SYNGR2: variants seen among roughly 807,000 people sequenced by gnomAD.
SYNGR2 encodes the protein synaptogyrin 2, also known as synaptogyrin-2.
In SYNGR2, 11 loss-of-function variants were observed where a neutral mutation model predicts 18.7. The ratio of observed to expected loss-of-function variants is 0.59; its 90% CI spans 0.37 to 0.97. The LOEUF is 0.97. Among genes scored for constraint, SYNGR2 ranks in the 50% least tolerant of loss-of-function variants. SYNGR2 has a pLI of 0.01. For missense variants in SYNGR2, 253 were observed against 300.7 expected (o/e 0.84, Z 1.17); for synonymous variants, 127 against 131.0 (o/e 0.97, Z 0.21).
chr17:78,172,000 A>G lies in SYNGR2; in HGVS notation c.*64A>G. On this transcript the variant is annotated 3_prime_UTR_variant, in exon 4 of 4. Coordinates refer to ENST00000225777, the MANE Select transcript of SYNGR2 (RefSeq NM_004710.7). The surrounding 1 kb of genome is among the most constrained non-coding windows in gnomAD (Gnocchi z 6.6). ...CCCCTCTGCCCTGGACTTTCCCATG[A>G]GCCTCCTGGAACTGCCAGCCCCTCT... 1 of 1,600,982 alleles carries G rather than the reference A, an allele frequency of 6.2e-7. No individual in the cohort carries two copies. Among genetic ancestry groups the G allele is most frequent in the South Asian group, 1.1e-5 (1 of 91,040 alleles).
chr17:78,171,571 C>T lies in SYNGR2; in HGVS notation c.399C>T (p.Thr133=), dbSNP rs781104032. 4 of 1,543,118 alleles carry T rather than the reference C, an allele frequency of 2.6e-6. No homozygotes were observed. Among genetic ancestry groups the T allele is most frequent in the Admixed American group, 3.9e-5 (2 of 50,684 alleles). The change falls in exon 3 of 4, where the codon ACC becomes ACT. Residue 133 remains threonine, a synonymous_variant. Transcript: ENST00000225777. The surrounding 1 kb of genome is among the most constrained non-coding windows in gnomAD (Gnocchi z 6.6). ...TCCTCACCAACCAGTGGGCAGTCACCAACCCGAAGGACGTGCTGGTGGGGG... is the reference window on the plus strand; with the variant it reads ...TCCTCACCAACCAGTGGGCAGTCACTAACCCGAAGGACGTGCTGGTGGGGG... ...FCFLTNQWAV[T]NPKDVLVGAD...
rs1326244471 is a variant in SYNGR2, at chr17:78,171,785, A to G, written c.524A>G (p.Asp175Gly). 4 of 1,613,886 alleles carry G rather than the reference A, an allele frequency of 2.5e-6. No homozygotes were observed. Among genetic ancestry groups the G allele is most frequent in the African/African-American group, 1.3e-5 (1 of 74,848 alleles). ...LAYQRYKAGV[D>G]DFIQNYVDPT... Reference sequence around the variant, plus strand: ...TACCAGCGCTACAAGGCTGGCGTGGACGACTTCATCCAGAATTACGTTGAC... The same window carrying G: ...TACCAGCGCTACAAGGCTGGCGTGGGCGACTTCATCCAGAATTACGTTGAC... Residue 175 changes from aspartate to glycine, a missense_variant, in exon 4 of 4, where the codon GAC becomes GGC. Transcript: ENST00000225777. This position sits in a 1 kb window ranked among gnomAD's most constrained non-coding sequence, Gnocchi z 6.6.
rs1419217739 is a variant in SYNGR2, at chr17:78,171,207, G to A, written c.337+153G>A. On this transcript the variant is annotated intron_variant, in intron 2 of 3. Transcript: ENST00000225777. This position sits in a 1 kb window ranked among gnomAD's most constrained non-coding sequence, Gnocchi z 6.6. ...AAGGGTTTTCAGCTAGTGTTTTTCC[G>A]TGCTTGAATGGCACCAGCCCTGCCT... The A allele has an allele frequency of 1.7e-5, 13 of 773,616 alleles. No homozygotes were observed. Among genetic ancestry groups the A allele is most frequent in the African/African-American group, 8.7e-5 (5 of 57,154 alleles). The allele number at this position is 773,616 out of a possible 1,614,324, so 47.9% of individuals were successfully genotyped here.
At chr17:78,169,265 T>TGGGGGGGG (rs1199152774) in intron 1 of SYNGR2, 2 of 69,052 alleles carry the variant, frequency 2.9e-5, no homozygotes, top group African/African-American at 3.6e-4. Flanking sequence ...TTTGTGTGTG[T>TGGGGGGGG]GTGTGTGTGG....
rs1176179624 is a variant in SYNGR2, at chr17:78,171,931, T to A, written c.670T>A (p.Tyr224Asn). ...CGAGGGCTACCAGCCGCCCCCTGTG[T>A]ACTGAGCGGCGGTTAGCGTGGGAAG... ...TTEGYQPPPV[Y>N] is the part of the protein sequence containing the mutation. Residue 224 changes from tyrosine (Y) to asparagine (N), a missense_variant, in exon 4 of 4, where the codon TAC becomes AAC. Coordinates refer to ENST00000225777, the MANE Select transcript of SYNGR2 (RefSeq NM_004710.7). The surrounding 1 kb of genome is among the most constrained non-coding windows in gnomAD (Gnocchi z 6.6). The A allele has an allele frequency of 5.0e-6, 8 of 1,612,890 alleles. No individual in the cohort carries two copies. Among genetic ancestry groups the A allele is most frequent in the Non-Finnish European group, 6.8e-6 (8 of 1,179,962 alleles).
chr17:78,172,774 T>C (rs958249400), downstream of SYNGR2: 9 of 152,218 alleles, frequency 5.9e-5, no homozygotes, highest in Non-Finnish European at 1.3e-4. Context: ...GACTCCACTC[T>C]GGGTACACCC....
At chr17:78,168,841 G>T in intron 1 of SYNGR2, 126 bp downstream of exon 1, 1 of 820,340 alleles carries the variant, frequency 1.2e-6, no homozygotes, top group Non-Finnish European at 1.6e-6. Context: ...GGCGGCGAGC[G>T]GGGCCGGCGT....
At position 78,168,599 on chromosome 17, in the gene SYNGR2, A is replaced by G. The variant is rs937674495; in HGVS notation, c.-18A>G. 5.1e-6 allele frequency: 6 copies of G among 1,183,430 alleles called. No homozygotes were observed. The highest frequency in any genetic ancestry group is 6.3e-6 in the Non-Finnish European group (6 of 952,540). The allele number at this position is 1,183,430 out of a possible 1,614,324, so 73.3% of individuals were successfully genotyped here. A position where few individuals can be genotyped will look rare whatever the true frequency, so the allele number is the denominator to read the frequency against. Reference sequence around the variant, plus strand: ...TTCCTCTGCGTTCCGCGGCGGCGGCAGCGGCGGCGACGGCGACATGGAGAG... The same window carrying G: ...TTCCTCTGCGTTCCGCGGCGGCGGCGGCGGCGGCGACGGCGACATGGAGAG... On this transcript the variant is annotated 5_prime_UTR_variant, in exon 1 of 4. Transcript: ENST00000225777.
In SYNGR2 at chr17:78,172,293, G is replaced by A. The variant is rs1201781826; in HGVS notation, c.*357G>A. ...GCTTCCCCCCGGCCCGGGTCAGGCC[G>A]TGGGAGCCGCTATTATCTGCGTTCT... On this transcript the variant is annotated 3_prime_UTR_variant, in exon 4 of 4. Coordinates refer to ENST00000225777, the MANE Select transcript of SYNGR2 (RefSeq NM_004710.7). 15 of 505,758 alleles carry A rather than the reference G, an allele frequency of 3.0e-5. No individual in the cohort carries two copies. The highest frequency in any genetic ancestry group is 1.0e-3 in the Middle Eastern group (2 of 1,946). 31.3% of individuals were successfully genotyped at this position (505,758 alleles called of 1,614,324 possible). A position where few individuals can be genotyped will look rare whatever the true frequency, so the allele number is the denominator to read the frequency against.
rs2075656361 is a variant in SYNGR2 at position 78,171,266 on chromosome 17, A to G, written c.337+212A>G. On this transcript the variant is annotated intron_variant, in intron 2 of 3. Coordinates refer to ENST00000225777, the MANE Select transcript of SYNGR2 (RefSeq NM_004710.7). This position sits in a 1 kb window ranked among gnomAD's most constrained non-coding sequence, Gnocchi z 6.6. Reference sequence around the variant, plus strand: ...TAGAAGCTGAGTGGACCTGCAGCACACCCGAGCAGATGGGCTTTGCCTCTG... The same window carrying G: ...TAGAAGCTGAGTGGACCTGCAGCACGCCCGAGCAGATGGGCTTTGCCTCTG... 4 of 658,514 alleles carry G rather than the reference A, an allele frequency of 6.1e-6. No individual in the cohort carries two copies. Among genetic ancestry groups the G allele is most frequent in the Non-Finnish European group, 1.0e-5 (4 of 390,584 alleles). The allele number at this position is 658,514 out of a possible 1,614,324, so 40.8% of individuals were successfully genotyped here. A position where few individuals can be genotyped will look rare whatever the true frequency, so the allele number is the denominator to read the frequency against.
chr17:78,168,984 G>A (rs2075638773), intron 1 of SYNGR2, among the ~76,000 whole-genome samples: 1 of 151,664 alleles, frequency 6.6e-6, no homozygotes, highest in Non-Finnish European at 1.5e-5. Context: ...CGCAGGGAGC[G>A]GGCCCCTGCC....
Position 78,171,667 on chromosome 17 carries a change from C to T in SYNGR2, c.477+18C>T, listed in dbSNP as rs766602883. Reference sequence around the variant, plus strand: ...TCTCCTGGGTAGGATGGCCAGGGGCCGGTTCTTGGGTCAAGGGTGGTGGAG... The same window carrying T: ...TCTCCTGGGTAGGATGGCCAGGGGCTGGTTCTTGGGTCAAGGGTGGTGGAG... On this transcript the variant is annotated intron_variant, in intron 3 of 3. Coordinates refer to ENST00000225777, the MANE Select transcript of SYNGR2 (RefSeq NM_004710.7). The surrounding 1 kb of genome is among the most constrained non-coding windows in gnomAD (Gnocchi z 6.6). 23 of 1,606,668 alleles carry T rather than the reference C, an allele frequency of 1.4e-5. No homozygotes were observed. The East Asian group carries it at 2.0e-4, about 14-fold the overall frequency.
Position 78,171,221 on chromosome 17 carries a change from C to G in SYNGR2, c.337+167C>G. On this transcript the variant is annotated intron_variant, in intron 2 of 3. Transcript: ENST00000225777. The surrounding 1 kb of genome is among the most constrained non-coding windows in gnomAD (Gnocchi z 6.6). ...AGTGTTTTTCCGTGCTTGAATGGCA[C>G]CAGCCCTGCCTGGGGTAGCTAGAAG... 1.4e-6 allele frequency: 1 copy of G among 723,364 alleles called. No homozygotes were observed. Among genetic ancestry groups the G allele is most frequent in the East Asian group, 2.7e-5 (1 of 37,374 alleles). The allele number at this position is 723,364 out of a possible 1,614,324, so 44.8% of individuals were successfully genotyped here. A position where few individuals can be genotyped will look rare whatever the true frequency, so the allele number is the denominator to read the frequency against.
intron 1 of SYNGR2, 102 bp downstream of exon 1, chr17:78,168,817 C>T (rs1371353977): frequency 6.8e-6 from 7 of 1,024,134 alleles, no homozygotes; most frequent in Non-Finnish European, 8.5e-6. Context: ...TGGCGGCGGC[C>T]GCGTCCGGGG....
chr17:78,171,398 A>C lies in SYNGR2; in HGVS notation c.338-112A>C. ...CCGGCTTCCAAGTCCTCCCCTCCAT[A>C]GTGTGGAGGCTCCCCCGGGAGGTCC... On this transcript the variant is annotated intron_variant, in intron 2 of 3. Transcript: ENST00000225777. The surrounding 1 kb of genome is among the most constrained non-coding windows in gnomAD (Gnocchi z 6.6). 7.6e-7 allele frequency: 1 copy of C among 1,319,616 alleles called. No homozygotes were observed. Among genetic ancestry groups the C allele is most frequent in the Non-Finnish European group, 1.0e-6 (1 of 970,804 alleles). 81.7% of individuals were successfully genotyped at this position (1,319,616 alleles called of 1,614,324 possible).
At position 78,170,956 on chromosome 17, in the gene SYNGR2, T is replaced by C. The variant is rs781626778; in HGVS notation, c.239T>C (p.Leu80Pro). ...AGTGCCATCGGGGTGCTGGCCTTCC[T>C]GGCCTCGGCCTTCTTCTTGGTGGTC... ...YGSAIGVLAF[L>P]ASAFFLVVDA... is the part of the protein sequence containing the mutation. The change falls in exon 2 of 4, where the codon CTG becomes CCG. Residue 80 changes from leucine to proline, a missense_variant. Leu to Pro is a moderately conservative substitution (Grantham distance 98). Transcript: ENST00000225777. 8 of 1,613,288 alleles carry C rather than the reference T, an allele frequency of 5.0e-6. No homozygotes were observed. Among genetic ancestry groups the C allele is most frequent in the Non-Finnish European group, 6.8e-6 (8 of 1,180,002 alleles).
At position 78,171,774 on chromosome 17, in the gene SYNGR2, G is replaced by A; in HGVS notation, c.513G>A (p.Lys171=). The A allele has an allele frequency of 6.2e-7, 1 of 1,614,060 alleles. No homozygotes were observed. The highest frequency in any genetic ancestry group is 8.5e-7 in the Non-Finnish European group (1 of 1,179,994). Residue 171 remains lysine (K), a synonymous_variant, in exon 4 of 4, where the codon AAG becomes AAA. Coordinates refer to ENST00000225777, the MANE Select transcript of SYNGR2 (RefSeq NM_004710.7). The surrounding 1 kb of genome is among the most constrained non-coding windows in gnomAD (Gnocchi z 6.6). ...CCTCCCTGGCCTACCAGCGCTACAA[G>A]GCTGGCGTGGACGACTTCATCCAGA... is the stretch of plus-strand genomic sequence containing the variant. The part of the protein sequence containing the change: ...VLASLAYQRY[K]AGVDDFIQNY...
Position 78,168,595 on chromosome 17 carries a change from C to T in SYNGR2, c.-22C>T, listed in dbSNP as rs2075634967. On this transcript the variant is annotated 5_prime_UTR_variant, in exon 1 of 4. Transcript: ENST00000225777. ...CAGGTTCCTCTGCGTTCCGCGGCGG[C>T]GGCAGCGGCGGCGACGGCGACATGG... 2 of 1,181,116 alleles carry T rather than the reference C, an allele frequency of 1.7e-6. No homozygotes were observed. The highest frequency in any genetic ancestry group is 2.1e-6 in the Non-Finnish European group (2 of 950,836). The allele number at this position is 1,181,116 out of a possible 1,614,324, so 73.2% of individuals were successfully genotyped here.
chr17:78,169,099 G>C (rs936187558), intron 1 of SYNGR2: 2 of 156,134 alleles, frequency 1.3e-5, no homozygotes, highest in Admixed American at 1.3e-4. Flanking sequence ...CCGAAGCCAC[G>C]TGGGGTAAGG....
Sources: allele counts gnomAD v4.1 joint callset (sites outside exome capture counted in the v4.1 genomes callset), GRCh38; gene constraint gnomAD v4.1.1; non-coding constraint Gnocchi (gnomAD v3.1); transcripts MANE v1.5; gene names NCBI Gene and HGNC (gene_info 2026-07-23, HGNC 2026-07-21).